The following MORC1 variants were observed in gnomAD, a reference collection of about 807,000 sequenced individuals.
The protein encoded by MORC1 is MORC family CW-type zinc finger 1.
In MORC1, 59 loss-of-function variants were observed where a neutral mutation model predicts 134.9. The ratio of observed to expected loss-of-function variants is 0.44; its 90% CI spans 0.35 to 0.54. MORC1 has a LOEUF of 0.54. MORC1 is among the 20% of genes least tolerant of loss of function. The pLI, the probability that MORC1 is intolerant of heterozygous loss-of-function variation, is 0.00. For missense variants in MORC1, 947 were observed against 1,134.5 expected, an observed-to-expected ratio of 0.83 and a Z score of 2.37; for synonymous variants, 395 against 391.7, an observed-to-expected ratio of 1.01 and a Z score of -0.10.
intron 21 of MORC1, among the ~76,000 whole-genome samples, chr3:108,993,249 A>T (rs1344709996): frequency 1.3e-5 from 2 of 152,230 alleles, no homozygotes; most frequent in African/African-American, 4.8e-5. Context: ...AAAATGTCTA[A>T]CATAGTATTG....
chr3:109,073,246 A>G (rs1264057314), intron 8 of MORC1, among the ~76,000 whole-genome samples: 1 of 152,128 alleles, frequency 6.6e-6, no homozygotes, highest in Non-Finnish European at 1.5e-5. Context: ...GGGTGGATCA[A>G]TGTGTTGCAG....
At chr3:109,002,527 G>A (rs964952906) in intron 20 of MORC1, among the ~76,000 whole-genome samples, 1 of 152,118 alleles carries the variant, frequency 6.6e-6, no homozygotes, top group African/African-American at 2.4e-5. Context: ...GCATACACTG[G>A]GCTTGCAACA....
intron 1 of MORC1, among the ~76,000 whole-genome samples, chr3:109,115,011 G>A (rs761842336): frequency 1.3e-5 from 2 of 152,120 alleles, no homozygotes; most frequent in African/African-American, 2.4e-5. Flanking sequence ...CCAGGTCCTC[G>A]GTAACAGAAT....
intron 27 of MORC1, among the ~76,000 whole-genome samples, chr3:108,962,187 C>A (rs1391384490): frequency 6.6e-6 from 1 of 151,690 alleles, no homozygotes; most frequent in African/African-American, 2.4e-5. Context: ...AAACATCTTT[C>A]TAAATTTTAA....
intron 14 of MORC1, among the ~76,000 whole-genome samples, chr3:109,051,640 C>G (rs1470160796): frequency 6.6e-6 from 1 of 152,034 alleles, no homozygotes; most frequent in Non-Finnish European, 1.5e-5. Context: ...TCTATCAATT[C>G]ATAGATAACT....
At chr3:109,022,605 T>C (rs1455290757) in intron 17 of MORC1, among the ~76,000 whole-genome samples, 7 of 152,232 alleles carry the variant, frequency 4.6e-5, no homozygotes, top group African/African-American at 1.7e-4. Context: ...ATGCAGTCTC[T>C]GTACTCCAAT....
intron 2 of MORC1, 84 bp downstream of exon 2, chr3:109,114,300 T>G: frequency 3.6e-5 from 44 of 1,213,428 alleles, no homozygotes; most frequent in Non-Finnish European, 4.7e-5. Context: ...AAATATGACA[T>G]GATCTTTTTA....
At chr3:109,058,646 T>C (rs1950014907) in intron 12 of MORC1, among the ~76,000 whole-genome samples, 1 of 152,058 alleles carries the variant, frequency 6.6e-6, no homozygotes, top group African/African-American at 2.4e-5. Context: ...TAAACACATG[T>C]ATATCTAAGG....
intron 27 of MORC1, among the ~76,000 whole-genome samples, chr3:108,962,545 C>T (rs1415727704): frequency 1.3e-5 from 2 of 152,252 alleles, no homozygotes; most frequent in Admixed American, 1.3e-4. Flanking sequence ...CAGTTCTTGT[C>T]CCCTCACCTT....
chr3:109,103,998 C>A, intron 3 of MORC1, 81 bp from the exon 4 acceptor site: 1 of 1,284,862 alleles, frequency 7.8e-7, no homozygotes, highest in Non-Finnish European at 1.1e-6. Context: ...AATAATTATT[C>A]GTCTTCCTCC....
At chr3:109,057,074 A>T (rs1210622520) in intron 13 of MORC1, among the ~76,000 whole-genome samples, 1 of 152,222 alleles carries the variant, frequency 6.6e-6, no homozygotes, top group Non-Finnish European at 1.5e-5. Flanking sequence ...TATGGCAAAG[A>T]GGTGGCACAA....
intron 4 of MORC1, among the ~76,000 whole-genome samples, chr3:109,100,971 T>A (rs1950915022): frequency 6.6e-6 from 1 of 152,114 alleles, no homozygotes; most frequent in African/African-American, 2.4e-5. Flanking sequence ...CCTAGAAAGG[T>A]CCTGGAATCC....
intron 21 of MORC1, among the ~76,000 whole-genome samples, chr3:108,987,384 T>C (rs1207180455): frequency 1.3e-5 from 2 of 152,142 alleles, no homozygotes; most frequent in Non-Finnish European, 2.9e-5. Flanking sequence ...ATCCCTGCAA[T>C]GAAAACTTTG....
chr3:109,066,513 C>T (rs968895624), intron 9 of MORC1, among the ~76,000 whole-genome samples: 3 of 152,142 alleles, frequency 2.0e-5, no homozygotes, highest in Admixed American at 2.0e-4. Flanking sequence ...TCTCAAACTC[C>T]TGACCTCAGG....
intron 6 of MORC1, among the ~76,000 whole-genome samples, chr3:109,096,991 G>T (rs1451485991): frequency 6.6e-6 from 1 of 152,120 alleles, no homozygotes; most frequent in African/African-American, 2.4e-5. Flanking sequence ...ATAGAAAAGA[G>T]AATATGAATA....
intron 20 of MORC1, among the ~76,000 whole-genome samples, chr3:109,002,339 G>T (rs1948427290): frequency 6.6e-6 from 1 of 152,130 alleles, no homozygotes; most frequent in African/African-American, 2.4e-5. Context: ...TCAGAAGTGT[G>T]TATCAGTCCC....
intron 14 of MORC1, among the ~76,000 whole-genome samples, chr3:109,053,605 T>C (rs1276745858): frequency 6.6e-6 from 1 of 151,532 alleles, no homozygotes; most frequent in Non-Finnish European, 1.5e-5. Flanking sequence ...ATGGAAACAA[T>C]AGACACTGAG....
chr3:109,017,032 T>C (rs1440826568), intron 17 of MORC1, among the ~76,000 whole-genome samples: 3 of 152,198 alleles, frequency 2.0e-5, no homozygotes, highest in Non-Finnish European at 4.4e-5. Flanking sequence ...TGTAACCCCA[T>C]GTTTCTTTGC....
At chr3:108,996,286 G>GCGTGCGCACACACACACACACA in intron 21 of MORC1, among the ~76,000 whole-genome samples, 9 of 146,382 alleles carry the variant, frequency 6.1e-5, no homozygotes, top group East Asian at 2.0e-4. Flanking sequence ...GCGCGCGCGC[G>GCGTGCGCACACACACACACACA]CACACACACA....
Sources: gnomAD v4.1 joint callset for allele counts (sites outside exome capture counted in the v4.1 genomes callset) on GRCh38, gnomAD v4.1.1 for gene constraint, MANE v1.5 for transcripts, NCBI Gene and HGNC (gene_info 2026-07-23, HGNC 2026-07-21) for gene names.